Variants in MYOM3 observed in about 807,000 individuals in gnomAD.
The protein encoded by MYOM3 is myomesin-3.
A neutral mutation model predicts 191.7 loss-of-function variants in MYOM3; 155 were observed. The ratio of observed to expected loss-of-function variants is 0.81; its 90% CI spans 0.71 to 0.92. MYOM3 has a LOEUF of 0.92. Among genes scored for constraint, MYOM3 ranks in the 40% least tolerant of loss-of-function variants. The pLI is 0.00. For synonymous variants in MYOM3, 757 were observed against 762.9 expected (o/e 0.99, Z 0.13); for missense variants, 1,889 against 1,890.6 (o/e 1.00, Z 0.02).
intron 18 of MYOM3, chr1:24,081,775 T>C (rs1467529429): frequency 1.8e-5 from 11 of 596,286 alleles, no homozygotes; most frequent in Non-Finnish European, 2.1e-5. Flanking sequence ...TGTTGCAGAC[T>C]GGTCTCAAAC....
chr1:24,076,507 C>CTTT (rs558326490), intron 20 of MYOM3, among the ~76,000 whole-genome samples: 1,556 of 49,076 alleles, frequency 0.032, 48 homozygotes, highest in East Asian at 0.038. Flanking sequence ...CCTAATGTTT[C>CTTT]TTTTTTTTTT....
rs529151256 is a variant in MYOM3, at chr1:24,069,672, C to T, written c.3151-1305G>A. ...TTGCCCAGGCTGGAGTACAGTGGCACGATTTTGGCTCACTGCAACCTCTGT... is the reference window on the plus strand; with the variant it reads ...TTGCCCAGGCTGGAGTACAGTGGCATGATTTTGGCTCACTGCAACCTCTGT... On this transcript the variant is annotated intron_variant, in intron 25 of 36. Coordinates refer to ENST00000374434, the MANE Select transcript of MYOM3 (RefSeq NM_152372.4). Among the ~76,000 whole-genome samples, 7 of 150,238 alleles carry T rather than the reference C, an allele frequency of 4.7e-5. No homozygotes were observed. The South Asian group carries it at 1.3e-3, about 27-fold the overall frequency.
chr1:24,063,403 C>T lies in MYOM3; in HGVS notation c.3661+89G>A. Reference sequence around the variant, plus strand: ...TGTTTGAGGTTAGAAACTAAACCCACCCCCAATAGCCAAGGCCAGTGTTAG... The same window carrying T: ...TGTTTGAGGTTAGAAACTAAACCCATCCCCAATAGCCAAGGCCAGTGTTAG... On this transcript the variant is annotated intron_variant, in intron 31 of 36. Transcript: ENST00000374434. The surrounding 1 kb of genome is among the most constrained non-coding windows in gnomAD (Gnocchi z 4.5). 6.5e-7 allele frequency: 1 copy of T among 1,538,544 alleles called. No individual in the cohort carries two copies. Among genetic ancestry groups the T allele is most frequent in the Middle Eastern group, 1.9e-4 (1 of 5,352 alleles).
chr1:24,079,951 G>T, intron 20 of MYOM3, 65 bp downstream of exon 20: 1 of 1,423,962 alleles, frequency 7.0e-7, no homozygotes, highest in Non-Finnish European at 9.6e-7. Context: ...GGTCATTCCA[G>T]CTCTGATGCT....
Position 24,068,248 on chromosome 1 carries a change from C to T in MYOM3, c.3270G>A (p.Gln1090=). Residue 1090 remains glutamine, a synonymous_variant, in exon 26 of 37, where the codon CAG becomes CAA. Transcript: ENST00000374434. Reference sequence around the variant, plus strand: ...CGTCATCCACCAGTGTCAAGGTAATCTGGTTTTTGGCTTTTCCATCTTGGA... The same window carrying T: ...CGTCATCCACCAGTGTCAAGGTAATTTGGTTTTTGGCTTTTCCATCTTGGA... ...AQLQDGKAKN[Q]ITLTLVDDDF... 3 of 1,614,198 alleles carry T rather than the reference C, an allele frequency of 1.9e-6. No homozygotes were observed. The East Asian group carries it at 6.7e-5, about 36-fold the overall frequency.
At position 24,068,011 on chromosome 1, in the gene MYOM3, C is replaced by T. The variant is rs1370421881; in HGVS notation, c.3314G>A (p.Arg1105Lys). The change falls in exon 27 of 37, where the codon AGG becomes AAG. Residue 1105 changes from arginine to lysine, a missense_variant. Transcript: ENST00000374434. Reference sequence around the variant, plus strand: ...GTCCCTTCTCTTAGCATCTGCCTTCCTCAGAAGCTTGTCAAAATCTGTGAA... The same window carrying T: ...GTCCCTTCTCTTAGCATCTGCCTTCTTCAGAAGCTTGTCAAAATCTGTGAA... ...LVDDDFDKLLRKADAKRRDWK... is the reference protein window; with the variant it reads ...LVDDDFDKLLKKADAKRRDWK... 2.5e-6 allele frequency: 4 copies of T among 1,614,224 alleles called. No homozygotes were observed. In the East Asian group the frequency reaches 6.7e-5, roughly 27 times the overall value.
At chr1:24,071,887 G>T in intron 24 of MYOM3, 82 bp downstream of exon 24, 2 of 1,453,306 alleles carry the variant, frequency 1.4e-6, no homozygotes, top group Non-Finnish European at 1.9e-6. Flanking sequence ...CCTGGTCCTT[G>T]GCCTGACTCT....
In MYOM3 at chr1:24,067,037, A is replaced by T; in HGVS notation, c.3407T>A (p.Val1136Glu). The change falls in exon 28 of 37, where the codon GTG becomes GAG. Residue 1136 changes from valine to glutamate, a missense_variant. Transcript: ENST00000374434. ...AGGACTTGCCTTGCACGTCAGCTGC[A>T]CTTGGCAGTCCTCCGTGACCTTCCA... The part of the protein sequence containing the change: ...LQWKVTEDCQ[V>E]QLTCKVTNTK... 1.3e-6 allele frequency: 2 copies of T among 1,574,936 alleles called. No individual in the cohort carries two copies. Among genetic ancestry groups the T allele is most frequent in the Non-Finnish European group, 1.7e-6 (2 of 1,158,220 alleles).
rs72879639 is a variant in MYOM3, at chr1:24,095,812, C to T, written c.746-326G>A. Among the ~76,000 whole-genome samples the T allele has an allele frequency of 3.4e-3, 518 of 152,212 alleles. 5 individuals carry two copies. The highest frequency in any genetic ancestry group is 0.012 in the African/African-American group (480 of 41,516). ...CCAGGATTATGCACTGTCTTCACAG[C>T]GGTCAAGCCCGCTCAGAGGCGCGGG... On this transcript the variant is annotated intron_variant, in intron 7 of 36. Coordinates refer to ENST00000374434, the MANE Select transcript of MYOM3 (RefSeq NM_152372.4).
chr1:24,067,348 CTTTCTTT>C lies in MYOM3; in HGVS notation c.3356-267_3356-261del, dbSNP rs1197792033. On this transcript the variant is annotated intron_variant, in intron 27 of 36. Coordinates refer to ENST00000374434, the MANE Select transcript of MYOM3 (RefSeq NM_152372.4). ...TCCTTCTTTCTTTCTTTCTTTCTTT[CTTTCTTT>C]CTTTCTTTCTTTCTTTCCTTCTTTC... is the stretch of plus-strand genomic sequence containing the variant. 5.9e-4 allele frequency among the ~76,000 whole-genome samples: 43 copies of C among 73,138 alleles called. 4 individuals carry two copies. The highest frequency in any genetic ancestry group is 2.2e-3 in the African/African-American group (43 of 19,196). The allele number at this position is 73,138 out of a possible 152,430, so 48.0% of individuals were successfully genotyped here.
At chr1:24,067,354 T>TTCTTTCTTTCTTTCTTTCTTTCTTTC (rs1557602403) in intron 27 of MYOM3, among the ~76,000 whole-genome samples, 15 of 71,958 alleles carry the variant, frequency 2.1e-4, no homozygotes, top group South Asian at 4.1e-4. Context: ...CTTTCTTTCT[T>TTCTTTCTTTCTTTCTTTCTTTCTTTC]TCTTTCTTTC....
chr1:24,090,194 G>A, intron 12 of MYOM3, 76 bp from the exon 13 acceptor site: 1 of 1,210,100 alleles, frequency 8.3e-7, no homozygotes, highest in Non-Finnish European at 1.2e-6. Context: ...CCACACCAGG[G>A]TCTGCGTCCT....
chr1:24,060,870 A>G (rs1449213927), intron 35 of MYOM3, among the ~76,000 whole-genome samples, 190 bp downstream of exon 35: 1 of 152,112 alleles, frequency 6.6e-6, no homozygotes, highest in East Asian at 1.9e-4. Context: ...TGCTTCCACA[A>G]CACAATCCCA....
At position 24,106,073 on chromosome 1, in the gene MYOM3, T is replaced by C. The variant is rs1164047447; in HGVS notation, c.407A>G (p.Glu136Gly). The C allele has an allele frequency of 6.2e-7, 1 of 1,610,646 alleles. No individual in the cohort carries two copies. The highest frequency in any genetic ancestry group is 1.1e-5 in the South Asian group (1 of 90,700). The change falls in exon 5 of 37, where the codon GAG (glutamate) becomes GGG (glycine). Residue 136 changes from glutamate to glycine, a missense_variant. Transcript: ENST00000374434. ...CTCCTTGGCCTCCTGGACCTTCTCCTCTGTCTGGAGGCGGGAAGAGGTGTA... is the reference window on the plus strand; with the variant it reads ...CTCCTTGGCCTCCTGGACCTTCTCCCCTGTCTGGAGGCGGGAAGAGGTGTA... Reference protein sequence around the residue: ...RDWKTLRRRTEEKVQEAKELR... With the variant: ...RDWKTLRRRTGEKVQEAKELR...
At chr1:24,081,178 G>A (rs1643663104) in intron 19 of MYOM3, 152 bp downstream of exon 19, 2 of 930,136 alleles carry the variant, frequency 2.2e-6, no homozygotes, top group Non-Finnish European at 3.2e-6. Flanking sequence ...AGGAATTATA[G>A]AGTGGGTTTG....
At position 24,105,909 on chromosome 1, in the gene MYOM3, C is replaced by T. The variant is rs1364139863; in HGVS notation, c.560+11G>A. 1.3e-6 allele frequency: 2 copies of T among 1,594,958 alleles called. No individual in the cohort carries two copies. The highest frequency in any genetic ancestry group is 1.7e-6 in the Non-Finnish European group (2 of 1,169,656). The stretch of plus-strand genomic sequence containing the variant: ...AGAGGCCCAGAACCCCTTCCTGCCC[C>T]AGCGGCTTACCAGGTGACCTGGGGT... On this transcript the variant is annotated intron_variant, in intron 5 of 36. Transcript: ENST00000374434.
Position 24,084,640 on chromosome 1 carries a change from C to T in MYOM3, c.1799-1G>A, listed in dbSNP as rs1209588887. On this transcript the variant is annotated splice_acceptor_variant, in intron 15 of 36. Coordinates refer to ENST00000374434, the MANE Select transcript of MYOM3 (RefSeq NM_152372.4). LOFTEE classifies it high-confidence loss of function. ...ACTTGAGCTGGAGGAGGGAGGGTAG[C>T]TAAAAAATAGAAACATGGGCTGAAT... 2.5e-6 allele frequency: 4 copies of T among 1,607,634 alleles called. No homozygotes were observed. The Admixed American group carries it at 6.8e-5, about 27-fold the overall frequency.
chr1:24,093,217 T>G, intron 9 of MYOM3, 109 bp from the exon 10 acceptor site: 5 of 688,384 alleles, frequency 7.3e-6, no homozygotes, highest in Non-Finnish European at 7.5e-6. Flanking sequence ...AGAGAGAGGC[T>G]GGTGAGGCTC....
intron 20 of MYOM3, among the ~76,000 whole-genome samples, chr1:24,078,531 C>T (rs1643629775): frequency 6.6e-6 from 1 of 152,190 alleles, no homozygotes; most frequent in Admixed American, 6.5e-5. Context: ...CTTGAGCCTG[C>T]CTTCTTTCCT....
Sources: allele counts gnomAD v4.1 joint callset (sites outside exome capture counted in the v4.1 genomes callset), GRCh38; gene constraint gnomAD v4.1.1; non-coding constraint Gnocchi (gnomAD v3.1); transcripts MANE v1.5; gene names NCBI Gene and HGNC (gene_info 2026-07-23, HGNC 2026-07-21).